AFF2: variants seen among roughly 807,000 people sequenced by gnomAD.
AFF2 encodes AF4/FMR2 family member 2.
A neutral mutation model predicts 76.9 loss-of-function variants in AFF2; 14 were observed. That is an observed-to-expected ratio of 0.18 (90% CI 0.12 to 0.28). The LOEUF (loss-of-function observed/expected upper bound fraction) is 0.28. Ranked by LOEUF, AFF2 falls within the 10% of genes least tolerant of loss-of-function variation. The pLI, the probability that AFF2 is intolerant of heterozygous loss-of-function variation, is 1.00. For synonymous variants in AFF2, 398 were observed against 366.7 expected (o/e 1.09, Z -0.98); for missense variants, 868 against 1,001.1 (o/e 0.87, Z 1.79).
At chrX:148,799,671 A>G (rs1415645827) in intron 3 of AFF2, among the ~76,000 whole-genome samples, 1 of 112,445 alleles carries the variant, frequency 8.9e-6, no homozygotes, top group African/African-American at 3.2e-5. Context: ...TAATAGTGTC[A>G]TTTAGAGCCA....
At chrX:148,937,340 T>G (rs2071786152) in intron 9 of AFF2, among the ~76,000 whole-genome samples, 1 of 112,033 alleles carries the variant, frequency 8.9e-6, no homozygotes, top group South Asian at 3.7e-4. Flanking sequence ...AGTTGATTCA[T>G]TTTTCCCCCA....
chrX:148,538,697 GCTTTGCATGT>G lies in AFF2; in HGVS notation c.47+37557_47+37566del, dbSNP rs1365022025. Among the ~76,000 whole-genome samples, 4 of 112,142 alleles carry G rather than the reference GCTTTGCATGT, an allele frequency of 3.6e-5. No individual in the cohort carries two copies. The South Asian group carries it at 1.1e-3, about 31-fold the overall frequency. On this transcript the variant is annotated intron_variant, in intron 1 of 20. Transcript: ENST00000370460. ...CTATGTGCAAGGTCTTGTGCCAAGTGCTTTGCATGTCTTGTCTTATTTAGTCATTACACTA... is the reference window on the plus strand; with the variant it reads ...CTATGTGCAAGGTCTTGTGCCAAGTGCTTGTCTTATTTAGTCATTACACTA...
At chrX:148,777,545 T>C (rs1557268689) in intron 3 of AFF2, among the ~76,000 whole-genome samples, 1 of 111,876 alleles carries the variant, frequency 8.9e-6, no homozygotes, top group Non-Finnish European at 1.9e-5. Flanking sequence ...TGGTTTATAG[T>C]TCTCCTTGAG....
chrX:148,769,615 T>C (rs1557267971), intron 3 of AFF2, among the ~76,000 whole-genome samples: 1 of 111,068 alleles, frequency 9.0e-6, no homozygotes, highest in Non-Finnish European at 1.9e-5. Context: ...TCAACTTGGC[T>C]CCTGTTTCGC....
chrX:148,828,392 A>G (rs2070413836), intron 4 of AFF2, among the ~76,000 whole-genome samples: 1 of 111,985 alleles, frequency 8.9e-6, no homozygotes, highest in Non-Finnish European at 1.9e-5. Flanking sequence ...TACATTTCTA[A>G]GCTTTGATAT....
At chrX:148,734,069 G>A (rs2055257644) in intron 3 of AFF2, among the ~76,000 whole-genome samples, 1 of 112,217 alleles carries the variant, frequency 8.9e-6, no homozygotes, top group Non-Finnish European at 1.9e-5. Flanking sequence ...ACCCAGTGGG[G>A]ACCTTCCAGG....
At chrX:148,891,446 G>A (rs1421108597) in intron 8 of AFF2, among the ~76,000 whole-genome samples, 2 of 111,678 alleles carry the variant, frequency 1.8e-5, no homozygotes, top group East Asian at 5.6e-4. Flanking sequence ...AATATAAGCA[G>A]CCTAATCAGT....
At chrX:148,710,959 C>A (rs1293354209) in intron 3 of AFF2, among the ~76,000 whole-genome samples, 1 of 111,642 alleles carries the variant, frequency 9.0e-6, no homozygotes, top group African/African-American at 3.3e-5. Flanking sequence ...TCACCATTTT[C>A]ATATATTGTT....
intron 9 of AFF2, among the ~76,000 whole-genome samples, chrX:148,942,388 A>G (rs1265261955): frequency 9.0e-6 from 1 of 111,361 alleles, no homozygotes; most frequent in Admixed American, 9.6e-5. Context: ...AAGAGTGTAT[A>G]TATCTGCCAG....
chrX:148,955,506 A>C, intron 10 of AFF2, 97 bp from the exon 11 acceptor site: 3 of 916,581 alleles, frequency 3.3e-6, no homozygotes, highest in Non-Finnish European at 4.6e-6. Context: ...CAGTCACTTG[A>C]CATCCAAAGC....
At chrX:148,981,971 T>C (rs139328247) in intron 19 of AFF2, among the ~76,000 whole-genome samples, 1,659 of 111,692 alleles carry the variant, frequency 0.015, 23 homozygotes, top group African/African-American at 0.05. Flanking sequence ...ACTCTTATAT[T>C]GACGAACAAA....
At chrX:148,686,456 T>G (rs989669166) in intron 3 of AFF2, among the ~76,000 whole-genome samples, 2 of 111,651 alleles carry the variant, frequency 1.8e-5, no homozygotes, top group African/African-American at 6.5e-5. Context: ...CTGTGCTAGA[T>G]AGTGATAGGG....
chrX:148,643,502 G>A (rs2054110600), intron 1 of AFF2, among the ~76,000 whole-genome samples: 1 of 111,792 alleles, frequency 8.9e-6, no homozygotes, highest in African/African-American at 3.3e-5. Context: ...TGAAGTGATA[G>A]TGAAGCCTCG....
chrX:148,918,486 A>G (rs1557282867), intron 9 of AFF2, among the ~76,000 whole-genome samples: 1 of 111,346 alleles, frequency 9.0e-6, no homozygotes, highest in South Asian at 3.8e-4. Context: ...CTTTGTAGGC[A>G]CAGCTTATCG....
At chrX:148,943,221 T>C (rs2071861473) in intron 9 of AFF2, among the ~76,000 whole-genome samples, 1 of 112,465 alleles carries the variant, frequency 8.9e-6, no homozygotes, top group African/African-American at 3.2e-5. Flanking sequence ...GTGTTTACAA[T>C]ACAATTATGA....
chrX:148,988,644 A>G (rs1390015402), intron 20 of AFF2, among the ~76,000 whole-genome samples: 4 of 112,093 alleles, frequency 3.6e-5, no homozygotes, highest in Non-Finnish European at 7.5e-5. Flanking sequence ...AAGATTTATT[A>G]TCTTTCCTTA....
At chrX:148,671,226 T>C (rs1183392575) in intron 3 of AFF2, among the ~76,000 whole-genome samples, 1 of 112,175 alleles carries the variant, frequency 8.9e-6, no homozygotes, top group African/African-American at 3.2e-5. Context: ...ATTCTTACTC[T>C]GTTTTAACAA....
chrX:148,597,336 C>T (rs2053583762), intron 1 of AFF2, among the ~76,000 whole-genome samples: 1 of 111,239 alleles, frequency 9.0e-6, no homozygotes, highest in Middle Eastern at 4.2e-3. Flanking sequence ...GATTTCCTTT[C>T]TCTGTGCCAG....
intron 1 of AFF2, among the ~76,000 whole-genome samples, chrX:148,538,902 A>G (rs1282660213): frequency 9.0e-6 from 1 of 111,228 alleles, no homozygotes; most frequent in African/African-American, 3.3e-5. Context: ...CTTAATAGCT[A>G]CCCAAGATAG....
Sources: allele counts gnomAD v4.1 joint callset (sites outside exome capture counted in the v4.1 genomes callset), GRCh38; gene constraint gnomAD v4.1.1; transcripts MANE v1.5; gene names NCBI Gene and HGNC (gene_info 2026-07-23, HGNC 2026-07-21).